The following FANCA variants were observed in gnomAD, a reference collection of about 807,000 sequenced individuals.
FANCA encodes Fanconi anemia group A protein.
FANCA carries 236 observed loss-of-function variants against 194.3 expected under a neutral mutation model. The observed-to-expected ratio is 1.21, with a 90% confidence interval of 1.09 to 1.35. The LOEUF is 1.35. Ranked by LOEUF, FANCA falls within the 40% of genes most tolerant of loss-of-function variation. FANCA has a pLI of 0.00. For synonymous variants in FANCA, 1,014 were observed against 715.8 expected (o/e 1.42, Z -6.65); for missense variants, 2,628 against 1,813.9 (o/e 1.45, Z -8.15).
intron 10 of FANCA, among the ~76,000 whole-genome samples, 194 bp from the exon 11 acceptor site, chr16:89,796,212 C>A (rs2040240393): frequency 6.6e-6 from 1 of 152,106 alleles, no homozygotes; most frequent in Non-Finnish European, 1.5e-5. Flanking sequence ...GGGGGCAAGG[C>A]AACGGCGAAA....
At chr16:89,783,161 G>T (rs1028111746) in intron 15 of FANCA, 59 bp from the exon 16 acceptor site, 14 of 1,315,234 alleles carry the variant, frequency 1.1e-5, no homozygotes, top group Non-Finnish European at 1.5e-5. Context: ...GGACTCCAGG[G>T]AGGCCACAAT....
chr16:89,813,050 A>T (rs965158735), intron 3 of FANCA, among the ~76,000 whole-genome samples: 67 of 133,636 alleles, frequency 5.0e-4, no homozygotes, highest in Non-Finnish European at 6.9e-4. Context: ...AAAAAAAAAA[A>T]TTTTACAATA....
intron 14 of FANCA, among the ~76,000 whole-genome samples, chr16:89,785,286 T>A (rs1205163468): frequency 1.3e-5 from 2 of 152,222 alleles, no homozygotes; most frequent in Non-Finnish European, 2.9e-5. Flanking sequence ...TAAAAATCAT[T>A]AGCTATAACA....
rs765162125 is a variant in FANCA, at chr16:89,740,027, A to G, written c.3901T>C (p.Ser1301Pro). ...GTCAACTGAAAGAGTGCCAGCCAGGATATCTTCCTCTTCTCTAAACACTCG... is the reference window on the plus strand; with the variant it reads ...GTCAACTGAAAGAGTGCCAGCCAGGGTATCTTCCTCTTCTCTAAACACTCG... Reference protein sequence around the residue: ...ILECLEKRKISWLALFQLTES... With the variant: ...ILECLEKRKIPWLALFQLTES... The change falls in exon 39 of 43, where the codon TCC (serine) becomes CCC (proline). Residue 1301 changes from serine to proline, a missense_variant. Coordinates refer to ENST00000389301, the MANE Select transcript of FANCA (RefSeq NM_000135.4). 9 of 1,614,048 alleles carry G rather than the reference A, an allele frequency of 5.6e-6. No homozygotes were observed. Among genetic ancestry groups the G allele is most frequent in the African/African-American group, 1.3e-5 (1 of 74,908 alleles).
At chr16:89,781,344 A>G (rs546758244) in intron 17 of FANCA, among the ~76,000 whole-genome samples, 3 of 141,568 alleles carry the variant, frequency 2.1e-5, no homozygotes, top group Non-Finnish European at 4.6e-5. Context: ...AGCCTGGGCA[A>G]TAGAACGAGA....
At chr16:89,806,170 C>T (rs1278802668) in intron 6 of FANCA, among the ~76,000 whole-genome samples, 1 of 152,084 alleles carries the variant, frequency 6.6e-6, no homozygotes, top group Non-Finnish European at 1.5e-5. Flanking sequence ...GCCTCAGCCT[C>T]CCAAAGTGCT....
chr16:89,779,438 G>C (rs973582027), intron 18 of FANCA, among the ~76,000 whole-genome samples: 1 of 151,886 alleles, frequency 6.6e-6, no homozygotes, highest in South Asian at 2.1e-4. Flanking sequence ...ACTCCATATT[G>C]GTCACAAAGA....
intron 36 of FANCA, chr16:89,744,627 A>C: frequency 2.7e-6 from 1 of 371,854 alleles, no homozygotes; most frequent in Non-Finnish European, 5.2e-6. Context: ...AGCCTGGGAG[A>C]GGCCGTTCCT....
chr16:89,789,417 A>G (rs2039997543), intron 14 of FANCA, among the ~76,000 whole-genome samples: 2 of 146,980 alleles, frequency 1.4e-5, no homozygotes, highest in African/African-American at 2.5e-5. Context: ...CGAGGTGGTG[A>G]TGGCAGGAAA....
At chr16:89,764,572 C>T (rs1157564916) in intron 28 of FANCA, among the ~76,000 whole-genome samples, 1 of 152,216 alleles carries the variant, frequency 6.6e-6, no homozygotes, top group African/African-American at 2.4e-5. Context: ...TCCCACAGTG[C>T]TGGGATCACA....
chr16:89,803,444 T>A, intron 7 of FANCA, 103 bp from the exon 8 acceptor site: 2 of 1,081,768 alleles, frequency 1.8e-6, no homozygotes, highest in Non-Finnish European at 2.9e-6. Context: ...AGCATATGGC[T>A]TGGGCCCACC....
chr16:89,748,205 C>A (rs1296658706), intron 33 of FANCA, among the ~76,000 whole-genome samples: 1 of 152,254 alleles, frequency 6.6e-6, no homozygotes, highest in African/African-American at 2.4e-5. Flanking sequence ...CGCACCCAGC[C>A]TGCTGGTTAA....
At chr16:89,816,471 G>C (rs1032385670) in intron 1 of FANCA, 66 bp downstream of exon 1, 30 of 1,370,952 alleles carry the variant, frequency 2.2e-5, no homozygotes, top group Non-Finnish European at 2.4e-5. Flanking sequence ...GGAAGGGATC[G>C]GGGAACCGGC....
intron 36 of FANCA, among the ~76,000 whole-genome samples, chr16:89,743,269 C>G (rs1427950498): frequency 6.6e-6 from 1 of 152,210 alleles, no homozygotes; most frequent in African/African-American, 2.4e-5. Context: ...CTCAGTTGCC[C>G]ATGCCTGGCC....
At chr16:89,791,211 C>T (rs1038427440) in intron 14 of FANCA, 192 bp downstream of exon 14, 6 of 703,686 alleles carry the variant, frequency 8.5e-6, no homozygotes, top group East Asian at 5.5e-5. Context: ...GAGGAAGATC[C>T]GCTGAGGCCC....
In FANCA at chr16:89,811,299, T is replaced by C. The variant is rs559699567; in HGVS notation, c.284-228A>G. Among the ~76,000 whole-genome samples, 72 of 152,322 alleles carry C rather than the reference T, an allele frequency of 4.7e-4. 1 individual carries two copies. The highest frequency in any genetic ancestry group is 5.2e-4 in the Admixed American group (8 of 15,300). On this transcript the variant is annotated intron_variant, in intron 3 of 42. Coordinates refer to ENST00000389301, the MANE Select transcript of FANCA (RefSeq NM_000135.4). ...CAACACCTGAACCCAGAGTTATACA[T>C]TGGTATTTGTTACGTTTCCCATGAC...
intron 13 of FANCA, 117 bp from the exon 14 acceptor site, chr16:89,791,653 AG>A: frequency 7.1e-7 from 1 of 1,413,350 alleles, no homozygotes; most frequent in Middle Eastern, 2.4e-4. Flanking sequence ...CCAAACACCA[AG>A]TTTTAAAAGA....
intron 3 of FANCA, among the ~76,000 whole-genome samples, chr16:89,812,515 G>A (rs973948866): frequency 2.0e-5 from 3 of 151,348 alleles, no homozygotes; most frequent in Admixed American, 6.6e-5. Context: ...GCGTGGTGGT[G>A]CATGCCTGTA....
At chr16:89,782,510 C>CAAAAA (rs750202032) in intron 17 of FANCA, among the ~76,000 whole-genome samples, 20 of 122,568 alleles carry the variant, frequency 1.6e-4, no homozygotes, top group African/African-American at 6.1e-4. Context: ...ACTGCATCTC[C>CAAAAA]AAAAAAAAAA....
Sources: allele counts gnomAD v4.1 joint callset (sites outside exome capture counted in the v4.1 genomes callset), GRCh38; gene constraint gnomAD v4.1.1; transcripts MANE v1.5; gene names NCBI Gene and HGNC (gene_info 2026-07-23, HGNC 2026-07-21).